Variants in CREBRF observed in about 807,000 individuals in gnomAD.
CREBRF encodes the protein CREB3 regulatory factor.
In CREBRF, 5 loss-of-function variants were observed where a neutral mutation model predicts 66.1. The ratio of observed to expected loss-of-function variants is 0.08; its 90% CI spans 0.04 to 0.16. The LOEUF (loss-of-function observed/expected upper bound fraction) is 0.16. CREBRF is among the 10% of genes least tolerant of loss of function. CREBRF has a pLI of 1.00. For synonymous variants in CREBRF, 229 were observed against 264.4 expected, an observed-to-expected ratio of 0.87 and a Z score of 1.30; for missense variants, 531 against 744.9, an observed-to-expected ratio of 0.71 and a Z score of 3.34.
intron 4 of CREBRF, chr5:173,091,769 A>G: frequency 3.0e-6 from 3 of 996,100 alleles, no homozygotes; most frequent in Non-Finnish European, 3.6e-6. Flanking sequence ...AAAGACACCA[A>G]TAATTTATTG....
intron 2 of CREBRF, among the ~76,000 whole-genome samples, chr5:173,082,014 T>TTTTTTTTTTTTTTGTTTG (rs1757966498): frequency 1.8e-5 from 2 of 113,784 alleles, no homozygotes; most frequent in South Asian, 3.5e-4. Flanking sequence ...TTTTTTTTTT[T>TTTTTTTTTTTTTTGTTTG]TTTTTTTTTT....
intron 3 of CREBRF, 91 bp downstream of exon 3, chr5:173,086,717 G>A: frequency 8.9e-7 from 1 of 1,126,490 alleles, no homozygotes; most frequent in Non-Finnish European, 1.2e-6. Flanking sequence ...GAAAAAAAAA[G>A]ATGTGCTTGG....
chr5:173,087,218 A>G (rs1255781306), intron 3 of CREBRF, among the ~76,000 whole-genome samples: 2 of 151,710 alleles, frequency 1.3e-5, no homozygotes, highest in Non-Finnish European at 2.9e-5. Flanking sequence ...AAGTCCTGGG[A>G]TTACAGGCAT....
intron 4 of CREBRF, among the ~76,000 whole-genome samples, chr5:173,106,823 C>T (rs545142953): frequency 6.6e-6 from 1 of 152,188 alleles, no homozygotes; most frequent in African/African-American, 2.4e-5. Context: ...GCTCTTGGCT[C>T]ACTGCAACCT....
intron 7 of CREBRF, among the ~76,000 whole-genome samples, chr5:173,114,819 C>T (rs747377580): frequency 6.6e-6 from 1 of 152,150 alleles, no homozygotes; most frequent in Non-Finnish European, 1.5e-5. Context: ...CTCTGACTGA[C>T]GTATTTTGTC....
chr5:173,106,423 C>A (rs1002895635), intron 4 of CREBRF, among the ~76,000 whole-genome samples: 2 of 150,586 alleles, frequency 1.3e-5, no homozygotes, highest in Non-Finnish European at 3.0e-5. Flanking sequence ...GAGCAAGACT[C>A]CATCTCAAAA....
rs572284855 is a variant in CREBRF at position 173,100,804 on chromosome 5, C to T, written c.1223-7820C>T. Among the ~76,000 whole-genome samples the T allele has an allele frequency of 7.0e-4, 106 of 152,300 alleles. 5 individuals are homozygous for T. The highest frequency in any genetic ancestry group is 6.8e-3 in the Middle Eastern group (2 of 294). On this transcript the variant is annotated intron_variant, in intron 4 of 8. Transcript: ENST00000296953. ...ACTCCCATTAACATTTCTTGTGAAG[C>T]AGTCCTACTGGTGATGAACTCCCTC...
At chr5:173,116,297 C>T (rs527533788) in intron 7 of CREBRF, among the ~76,000 whole-genome samples, 6 of 152,304 alleles carry the variant, frequency 3.9e-5, no homozygotes, top group Admixed American at 3.9e-4. Context: ...GATTGGTTTA[C>T]ATATACGCAT....
At chr5:173,085,761 C>A (rs1212719181) in intron 2 of CREBRF, 11 of 773,658 alleles carry the variant, frequency 1.4e-5, no homozygotes, top group South Asian at 2.7e-5. Flanking sequence ...GTAGAACACT[C>A]CACATACCTG....
chr5:173,122,145 AG>A (rs1265707745), intron 7 of CREBRF, among the ~76,000 whole-genome samples: 4 of 152,164 alleles, frequency 2.6e-5, no homozygotes, highest in African/African-American at 9.7e-5. Context: ...CTGTTAGCCC[AG>A]GCTGGAGTGC....
intron 7 of CREBRF, among the ~76,000 whole-genome samples, chr5:173,114,858 A>G (rs1340179688): frequency 1.3e-5 from 2 of 152,224 alleles, no homozygotes; most frequent in African/African-American, 2.4e-5. Flanking sequence ...GAAACATTAA[A>G]ACCAGAAAAT....
At position 173,138,692 on chromosome 5, in the gene CREBRF, C is replaced by T. The variant is rs993370558; in HGVS notation, c.*4947C>T. Reference sequence around the variant, plus strand: ...ATAGGAGCAGGACTGATTACTATGTCTTGCCCTTCGCCCTTTGTTTTTTTC... The same window carrying T: ...ATAGGAGCAGGACTGATTACTATGTTTTGCCCTTCGCCCTTTGTTTTTTTC... On this transcript the variant is annotated 3_prime_UTR_variant, in exon 9 of 9. Transcript: ENST00000296953. The T allele has an allele frequency of 3.3e-5, 5 of 152,204 alleles. No individual in the cohort carries two copies. The highest frequency in any genetic ancestry group is 1.2e-4 in the African/African-American group (5 of 41,446). The allele number at this position is 152,204 out of a possible 1,614,324, so 9.4% of individuals were successfully genotyped here.
intron 4 of CREBRF, among the ~76,000 whole-genome samples, chr5:173,100,416 T>G (rs1758599817): frequency 6.6e-6 from 1 of 151,912 alleles, no homozygotes; most frequent in Non-Finnish European, 1.5e-5. Flanking sequence ...TTTTATACTT[T>G]CATGTTTTTC....
chr5:173,104,580 T>C (rs568850970), intron 4 of CREBRF, among the ~76,000 whole-genome samples: 2 of 152,212 alleles, frequency 1.3e-5, no homozygotes, highest in South Asian at 4.1e-4. Context: ...CTCAGGAGGC[T>C]GAGGTGGGAG....
At chr5:173,070,873 A>T (rs1326592489) in intron 1 of CREBRF, among the ~76,000 whole-genome samples, 1 of 152,118 alleles carries the variant, frequency 6.6e-6, no homozygotes, top group Non-Finnish European at 1.5e-5. Context: ...CCAGAAGGAC[A>T]TGTGGTCTTA....
intron 8 of CREBRF, among the ~76,000 whole-genome samples, chr5:173,130,117 T>C (rs1187640183): frequency 2.0e-5 from 3 of 152,178 alleles, no homozygotes; most frequent in Non-Finnish European, 2.9e-5. Flanking sequence ...GCCACCACGC[T>C]CGGCCTAGAT....
intron 8 of CREBRF, 26 bp from the exon 9 acceptor site, chr5:173,133,604 G>C (rs760601000): frequency 7.3e-7 from 1 of 1,376,254 alleles, no homozygotes; most frequent in South Asian, 1.2e-5. Context: ...TTTGTGTCTA[G>C]ATGTGCCTTT....
rs1181118307 is a variant in CREBRF at position 173,137,742 on chromosome 5, TGTTA to T, written c.*4001_*4004del. ...TGATGTTTGCCTTCATTAATAAAGC[TGTTA>T]GTTTATTCACCAAAATGTCAAGAAT... is the stretch of plus-strand genomic sequence containing the variant. On this transcript the variant is annotated 3_prime_UTR_variant, in exon 9 of 9. Coordinates refer to ENST00000296953, the MANE Select transcript of CREBRF (RefSeq NM_153607.3). 3 of 152,030 alleles carry T rather than the reference TGTTA, an allele frequency of 2.0e-5. No individual in the cohort carries two copies. The highest frequency in any genetic ancestry group is 4.4e-5 in the Non-Finnish European group (3 of 67,954). The allele number at this position is 152,030 out of a possible 1,614,324, so 9.4% of individuals were successfully genotyped here. A position where few individuals can be genotyped will look rare whatever the true frequency, so the allele number is the denominator to read the frequency against.
chr5:173,119,480 G>A (rs1054295066), intron 7 of CREBRF, among the ~76,000 whole-genome samples: 1 of 152,018 alleles, frequency 6.6e-6, no homozygotes, highest in South Asian at 2.1e-4. Flanking sequence ...GAGTTCTTTG[G>A]TATTAATATA....
Sources: allele counts gnomAD v4.1 joint callset (sites outside exome capture counted in the v4.1 genomes callset), GRCh38; gene constraint gnomAD v4.1.1; transcripts MANE v1.5; gene names NCBI Gene and HGNC (gene_info 2026-07-23, HGNC 2026-07-21).